The following MTUS1 variants were observed in gnomAD, a reference collection of about 807,000 sequenced individuals.
MTUS1 encodes the protein microtubule-associated tumor suppressor 1.
In MTUS1, 109 loss-of-function variants were observed where a neutral mutation model predicts 120.8. That is an observed-to-expected ratio of 0.90 (90% confidence interval 0.77 to 1.06). MTUS1 has a LOEUF of 1.06. Among genes scored for constraint, MTUS1 ranks in the 50% least tolerant of loss-of-function variants. The pLI, the probability that MTUS1 is intolerant of heterozygous loss-of-function variation, is 0.00. For synonymous variants in MTUS1, 737 were observed against 550.5 expected (o/e 1.34, Z -4.74); for missense variants, 2,210 against 1,486.3 (o/e 1.49, Z -8.01).
intron 8 of MTUS1, among the ~76,000 whole-genome samples, chr8:17,660,806 G>A (rs1809520174): frequency 6.6e-6 from 1 of 152,086 alleles, no homozygotes; most frequent in African/African-American, 2.4e-5. Flanking sequence ...AAATAAAATT[G>A]AGGCATCAAG....
At chr8:17,778,541 G>A (rs1287474500) in intron 1 of MTUS1, among the ~76,000 whole-genome samples, 1 of 152,198 alleles carries the variant, frequency 6.6e-6, no homozygotes, top group Non-Finnish European at 1.5e-5. Context: ...AGGAGGGCAG[G>A]TGTGGTGGCT....
chr8:17,741,008 G>A (rs142282866), intron 3 of MTUS1, among the ~76,000 whole-genome samples: 1,730 of 152,212 alleles, frequency 0.011, 13 homozygotes, highest in South Asian at 0.028. Flanking sequence ...TGGGATTACA[G>A]TCACCTGCCA....
chr8:17,772,242 T>C lies in MTUS1; in HGVS notation c.-154-16281A>G, dbSNP rs143797947. On this transcript the variant is annotated intron_variant, in intron 1 of 14. Coordinates refer to ENST00000693296, the MANE Select transcript of MTUS1 (RefSeq NM_001363059.2). ...TCGTATGTATTAAAAGGAATGCCTA[T>C]AGAAACTAGACACACATGTACAAAA... is the stretch of plus-strand genomic sequence containing the variant. 5.1e-3 allele frequency among the ~76,000 whole-genome samples: 779 copies of C among 152,324 alleles called. 4 individuals carry two copies. Among genetic ancestry groups the C allele is most frequent in the African/African-American group, 0.016 (669 of 41,564 alleles).
intron 3 of MTUS1, among the ~76,000 whole-genome samples, chr8:17,740,362 C>T (rs1045576114): frequency 2.6e-5 from 4 of 152,174 alleles, no homozygotes; most frequent in Admixed American, 6.5e-5. Flanking sequence ...TTATTGAAAA[C>T]GCCAAATTGG....
At chr8:17,654,261 C>G in intron 10 of MTUS1, 1 of 414,846 alleles carries the variant, frequency 2.4e-6, no homozygotes, top group Non-Finnish European at 4.3e-6. Flanking sequence ...AAGATAGAAA[C>G]TTGTACTTGC....
At position 17,676,333 on chromosome 8, in the gene MTUS1, C is replaced by T. The variant is rs148557160; in HGVS notation, c.2839-1081G>A. ...GTTTGCTGCTGGGGCAGCCCATTTT[C>T]CAGCTTCTGTCTCCAAGTCCCCCCA... On this transcript the variant is annotated intron_variant, in intron 7 of 14. Transcript: ENST00000693296. The T allele has an allele frequency of 1.8e-3, 1,281 of 703,020 alleles. 17 individuals are homozygous for T. The African/African-American group carries it at 0.02, about 11-fold the overall frequency. 43.5% of individuals were successfully genotyped at this position (703,020 alleles called of 1,614,324 possible).
At position 17,687,746 on chromosome 8, in the gene MTUS1, AG is replaced by A. The variant is rs559350205; in HGVS notation, c.2624-3205del. The stretch of plus-strand genomic sequence containing the variant: ...TCAGGAAAACGAAGGCCAGAACCAA[AG>A]ACATTTGCTCATTTGGAAAGCAGCT... On this transcript the variant is annotated intron_variant, in intron 6 of 14. Coordinates refer to ENST00000693296, the MANE Select transcript of MTUS1 (RefSeq NM_001363059.2). 1.9e-3 allele frequency among the ~76,000 whole-genome samples: 284 copies of A among 152,310 alleles called. 2 individuals carry two copies. The South Asian group carries it at 0.02, about 11-fold the overall frequency.
intron 1 of MTUS1, among the ~76,000 whole-genome samples, chr8:17,762,589 A>G (rs1337024966): frequency 6.6e-6 from 1 of 152,162 alleles, no homozygotes; most frequent in African/African-American, 2.4e-5. Context: ...AAGCATAACG[A>G]TTTCCTATGA....
intron 3 of MTUS1, 76 bp downstream of exon 3, chr8:17,743,528 G>C: frequency 7.3e-7 from 1 of 1,362,930 alleles, no homozygotes; most frequent in Non-Finnish European, 1.0e-6. Context: ...GTGACAGAAG[G>C]CATTAGACCT....
chr8:17,666,281 TAA>T (rs59263006), intron 8 of MTUS1, among the ~76,000 whole-genome samples: 20,436 of 140,480 alleles, frequency 0.15, 1,684 homozygotes, highest in South Asian at 0.32. Flanking sequence ...AGTTTCAATG[TAA>T]AAAAAAAAAA....
intron 3 of MTUS1, among the ~76,000 whole-genome samples, chr8:17,731,272 G>T (rs139590702): frequency 1.3e-5 from 2 of 152,266 alleles, no homozygotes; most frequent in African/African-American, 2.4e-5. Flanking sequence ...AGATCGTCTA[G>T]GTTCAAACCC....
rs188057652 is a variant in MTUS1, at chr8:17,692,644, G to A, written c.2624-8102C>T. 2.9e-3 allele frequency among the ~76,000 whole-genome samples: 449 copies of A among 152,272 alleles called. 1 individual carries two copies. Among genetic ancestry groups the A allele is most frequent in the Non-Finnish European group, 3.7e-3 (253 of 68,022 alleles). ...CGGTTCTCTTCACGAACACAAAGAA[G>A]GGAAACAACAGATGGGGGTCTAATT... On this transcript the variant is annotated intron_variant, in intron 6 of 14. Transcript: ENST00000693296.
intron 8 of MTUS1, among the ~76,000 whole-genome samples, chr8:17,656,739 T>G (rs1485536601): frequency 6.6e-6 from 1 of 151,852 alleles, no homozygotes; most frequent in African/African-American, 2.4e-5. Context: ...GCCAGTGTGG[T>G]AGAAGCTCAC....
chr8:17,657,460 T>A (rs1239175684), intron 8 of MTUS1, among the ~76,000 whole-genome samples: 59 of 147,870 alleles, frequency 4.0e-4, no homozygotes, highest in South Asian at 1.3e-3. Flanking sequence ...CCCAGCTACT[T>A]GGGAGGCTGA....
intron 8 of MTUS1, among the ~76,000 whole-genome samples, chr8:17,656,958 T>C (rs1237884193): frequency 6.8e-6 from 1 of 146,852 alleles, no homozygotes; most frequent in Non-Finnish European, 1.5e-5. Flanking sequence ...ACTCGGGAAG[T>C]TGAGGCAGGA....
rs1444269110 is a variant in MTUS1, at chr8:17,769,042, AT to A, written c.-154-13082del. Among the ~76,000 whole-genome samples the A allele has an allele frequency of 2.6e-5, 4 of 152,092 alleles. No homozygotes were observed. In the East Asian group the frequency reaches 7.7e-4, roughly 29 times the overall value. On this transcript the variant is annotated intron_variant, in intron 1 of 14. Transcript: ENST00000693296. Reference sequence around the variant, plus strand: ...TGTCTTAGATAACTCACACTATGCAATTAAAAAGCCTCTGCTTGGGGGTGGA... The same window carrying A: ...TGTCTTAGATAACTCACACTATGCAATAAAAAGCCTCTGCTTGGGGGTGGA...
At chr8:17,796,533 C>G (rs1018922542) in intron 1 of MTUS1, among the ~76,000 whole-genome samples, 1 of 152,108 alleles carries the variant, frequency 6.6e-6, no homozygotes, top group African/African-American at 2.4e-5. Context: ...TATATCAGAG[C>G]AATCACAAGT....
intron 6 of MTUS1, among the ~76,000 whole-genome samples, chr8:17,690,111 T>C (rs189773384): frequency 2.0e-3 from 298 of 152,224 alleles, no homozygotes; most frequent in Non-Finnish European, 3.1e-3. Flanking sequence ...AGAAAATATT[T>C]GCAAACTATG....
chr8:17,696,049 T>C (rs532270197), intron 6 of MTUS1, among the ~76,000 whole-genome samples: 1 of 152,164 alleles, frequency 6.6e-6, no homozygotes, highest in Non-Finnish European at 1.5e-5. Flanking sequence ...ATCAGACAAA[T>C]TATTGCAAAT....
Sources: allele counts gnomAD v4.1 joint callset (sites outside exome capture counted in the v4.1 genomes callset), GRCh38; gene constraint gnomAD v4.1.1; transcripts MANE v1.5; gene names NCBI Gene and HGNC (gene_info 2026-07-23, HGNC 2026-07-21).